Variants in ZKSCAN5 observed in about 807,000 individuals in gnomAD.
The protein encoded by ZKSCAN5 is zinc finger with KRAB and SCAN domains 5, also known as zinc finger protein with KRAB and SCAN domains 5.
A neutral mutation model predicts 60.0 loss-of-function variants in ZKSCAN5; 28 were observed. The ratio of observed to expected loss-of-function variants is 0.47; its 90% CI spans 0.35 to 0.64. ZKSCAN5 has a LOEUF of 0.64. Among genes scored for constraint, ZKSCAN5 ranks in the 30% least tolerant of loss-of-function variants. The probability of loss-of-function intolerance (pLI) is 0.01; values close to 1 mark genes in which losing one functional copy is unlikely to be tolerated. For synonymous variants in ZKSCAN5, 361 were observed against 371.2 expected (o/e 0.97, Z 0.31); for missense variants, 881 against 1,034.6 (o/e 0.85, Z 2.04).
intron 2 of ZKSCAN5, among the ~76,000 whole-genome samples, chr7:99,511,153 A>G (rs1801004797): frequency 6.6e-6 from 1 of 152,268 alleles, no homozygotes; most frequent in African/African-American, 2.4e-5. Flanking sequence ...AAAGGAACTT[A>G]CTACATTCCA....
intron 6 of ZKSCAN5, among the ~76,000 whole-genome samples, chr7:99,530,560 A>G (rs899190394): frequency 1.3e-5 from 2 of 151,638 alleles, no homozygotes; most frequent in Non-Finnish European, 2.9e-5. Flanking sequence ...TCTGGATATT[A>G]GTCCTTTGTC....
rs1019603603 is a variant in ZKSCAN5, at chr7:99,533,600, C to A, written c.*1351C>A. On this transcript the variant is annotated 3_prime_UTR_variant, in exon 7 of 7. Coordinates refer to ENST00000326775, the MANE Select transcript of ZKSCAN5 (RefSeq NM_145102.4). ...AGAATTGCCCTCAGGAGATGAGAGC[C>A]ATCTCACCTCACCCAGGAGTCACTT... 9 of 407,124 alleles carry A rather than the reference C, an allele frequency of 2.2e-5. No homozygotes were observed. Among genetic ancestry groups the A allele is most frequent in the Admixed American group, 1.3e-4 (3 of 23,716 alleles). The allele number at this position is 407,124 out of a possible 1,614,324, so 25.2% of individuals were successfully genotyped here.
chr7:99,523,632 A>G (rs1801645441), intron 5 of ZKSCAN5, among the ~76,000 whole-genome samples: 1 of 152,052 alleles, frequency 6.6e-6, no homozygotes, highest in African/African-American at 2.4e-5. Context: ...CAATCAATCA[A>G]TCAATGTGTG....
chr7:99,530,635 A>G (rs201670160), intron 6 of ZKSCAN5, among the ~76,000 whole-genome samples: 10 of 152,138 alleles, frequency 6.6e-5, no homozygotes, highest in African/African-American at 1.9e-4. Flanking sequence ...TCGTCAGAAA[A>G]TTCCAAAAGT....
Position 99,531,390 on chromosome 7 carries a change from GT to G in ZKSCAN5, c.1662del (p.Cys554TrpfsTer39). The G allele has an allele frequency of 6.2e-7, 1 of 1,614,214 alleles. No individual in the cohort carries two copies. The highest frequency in any genetic ancestry group is 8.5e-7 in the Non-Finnish European group (1 of 1,180,040). On this transcript the variant is annotated frameshift_variant, in exon 7 of 7. Transcript: ENST00000326775. LOFTEE classifies it high-confidence loss of function. ...GAGAGACCACATAAATGTAACGAGTGTGGGAAAAGCTTCATTCAGAGTGCAC... is the reference window on the plus strand; with the variant it reads ...GAGAGACCACATAAATGTAACGAGTGGGGAAAAGCTTCATTCAGAGTGCAC... The part of the protein sequence containing the change: ...TGERPHKCNE[C>X]GKSFIQSAHL...
chr7:99,505,975 TA>T lies in ZKSCAN5; in HGVS notation c.-40-29del, dbSNP rs1562899858. On this transcript the variant is annotated intron_variant, in intron 1 of 6. Coordinates refer to ENST00000326775, the MANE Select transcript of ZKSCAN5 (RefSeq NM_145102.4). Reference sequence around the variant, plus strand: ...GCTACTGAAAGTGTCCTTCAGAAGATATTAAAGAGCAGAAAAACAATTGTTT... The same window carrying T: ...GCTACTGAAAGTGTCCTTCAGAAGATTTAAAGAGCAGAAAAACAATTGTTT... 1.3e-4 allele frequency: 208 copies of T among 1,545,588 alleles called. 7 individuals carry two copies. The South Asian group carries it at 2.3e-3, about 17-fold the overall frequency.
Position 99,533,199 on chromosome 7 carries a change from T to TA in ZKSCAN5, c.*951dup. 1.6e-6 allele frequency: 1 copy of TA among 636,898 alleles called. No homozygotes were observed. The highest frequency in any genetic ancestry group is 1.5e-5 in the South Asian group (1 of 65,952). The allele number at this position is 636,898 out of a possible 1,614,324, so 39.5% of individuals were successfully genotyped here. A position where few individuals can be genotyped will look rare whatever the true frequency, so the allele number is the denominator to read the frequency against. On this transcript the variant is annotated 3_prime_UTR_variant, in exon 7 of 7. Transcript: ENST00000326775. ...ATAGACCTCTCCTGTAGAGTGGTGA[T>TA]ATACAGAATGAGTTTCAGTTTGCAT... is the stretch of plus-strand genomic sequence containing the variant.
At chr7:99,524,877 G>C (rs1801701959) in intron 5 of ZKSCAN5, among the ~76,000 whole-genome samples, 1 of 151,968 alleles carries the variant, frequency 6.6e-6, no homozygotes, top group Admixed American at 6.6e-5. Context: ...TAAGAATATT[G>C]CCCAGTCGTG....
At chr7:99,522,112 C>T (rs909456400) in intron 5 of ZKSCAN5, among the ~76,000 whole-genome samples, 1 of 152,158 alleles carries the variant, frequency 6.6e-6, no homozygotes, top group African/African-American at 2.4e-5. Flanking sequence ...ATACACTATT[C>T]TACATTAATT....
chr7:99,522,478 CTTT>C (rs757882299), intron 5 of ZKSCAN5, among the ~76,000 whole-genome samples: 3 of 142,982 alleles, frequency 2.1e-5, no homozygotes, highest in Non-Finnish European at 1.5e-5. Flanking sequence ...TTTGTTTCCC[CTTT>C]TTTTTTTTTT....
intron 5 of ZKSCAN5, among the ~76,000 whole-genome samples, chr7:99,523,286 C>T (rs747817245): frequency 1.3e-4 from 19 of 151,170 alleles, no homozygotes; most frequent in Non-Finnish European, 2.4e-4. Context: ...GACCTTGGCT[C>T]GAGAGACATG....
chr7:99,512,348 T>C (rs1033631654), intron 2 of ZKSCAN5, 105 bp from the exon 3 acceptor site: 16 of 1,432,498 alleles, frequency 1.1e-5, no homozygotes, highest in Non-Finnish European at 1.4e-5. Flanking sequence ...TAGATGCACA[T>C]TAAATATTTG....
At chr7:99,511,630 A>T (rs1801031990) in intron 2 of ZKSCAN5, among the ~76,000 whole-genome samples, 1 of 151,202 alleles carries the variant, frequency 6.6e-6, no homozygotes, top group Non-Finnish European at 1.5e-5. Flanking sequence ...TTTTGGAGAG[A>T]CAGGGTCTCA....
intron 6 of ZKSCAN5, among the ~76,000 whole-genome samples, chr7:99,528,305 G>A: frequency 6.6e-6 from 1 of 151,794 alleles, no homozygotes; most frequent in East Asian, 1.9e-4. Flanking sequence ...ATAGCGCTTT[G>A]GACTTGAAAA....
chr7:99,520,860 C>T (rs976694020), intron 5 of ZKSCAN5, among the ~76,000 whole-genome samples: 3 of 152,084 alleles, frequency 2.0e-5, no homozygotes, highest in Non-Finnish European at 2.9e-5. Context: ...ATCAGCCGGG[C>T]GTGGTGGCGG....
chr7:99,512,814 T>TTTTA (rs942536186), intron 3 of ZKSCAN5, among the ~76,000 whole-genome samples: 39 of 151,662 alleles, frequency 2.6e-4, no homozygotes, highest in East Asian at 2.1e-3. Flanking sequence ...TTTTTTTTTC[T>TTTTA]TTTATTTATT....
chr7:99,525,747 C>G, intron 5 of ZKSCAN5, 66 bp from the exon 6 acceptor site: 1 of 1,536,804 alleles, frequency 6.5e-7, no homozygotes, highest in African/African-American at 1.4e-5. Context: ...TCTTCATTAT[C>G]CCCTCATTTT....
chr7:99,532,281 G>T lies in ZKSCAN5; in HGVS notation c.*32G>T. Reference sequence around the variant, plus strand: ...TCTTAATTTTAGAGAAACCTTCCTGGAGGGAAACCATACTCCTATAATGAG... The same window carrying T: ...TCTTAATTTTAGAGAAACCTTCCTGTAGGGAAACCATACTCCTATAATGAG... On this transcript the variant is annotated 3_prime_UTR_variant, in exon 7 of 7. Coordinates refer to ENST00000326775, the MANE Select transcript of ZKSCAN5 (RefSeq NM_145102.4). The T allele has an allele frequency of 6.6e-7, 1 of 1,524,424 alleles. No individual in the cohort carries two copies. The highest frequency in any genetic ancestry group is 1.4e-5 in the African/African-American group (1 of 71,842). The allele number at this position is 1,524,424 out of a possible 1,614,324, so 94.4% of individuals were successfully genotyped here.
chr7:99,513,898 A>G, intron 3 of ZKSCAN5: 1 of 160,682 alleles, frequency 6.2e-6, no homozygotes, highest in Non-Finnish European at 1.4e-5. Flanking sequence ...ACAAAAAATT[A>G]GCTGGGCATG....
Sources: gnomAD v4.1 joint callset for allele counts (sites outside exome capture counted in the v4.1 genomes callset) on GRCh38, gnomAD v4.1.1 for gene constraint, MANE v1.5 for transcripts, NCBI Gene and HGNC (gene_info 2026-07-23, HGNC 2026-07-21) for gene names.